MAN1A2: variants seen among roughly 807,000 people sequenced by gnomAD.
MAN1A2 encodes mannosidase alpha class 1A member 2.
In MAN1A2, 26 loss-of-function variants were observed where a neutral mutation model predicts 75.7. That is an observed-to-expected ratio of 0.34 (90% CI 0.25 to 0.48). MAN1A2 has a LOEUF of 0.48. Among genes scored for constraint, MAN1A2 ranks in the 20% least tolerant of loss-of-function variants. The pLI is 0.99. For synonymous variants in MAN1A2, 247 were observed against 264.6 expected (o/e 0.93, Z 0.65); for missense variants, 562 against 775.5 (o/e 0.72, Z 3.27).
At chr1:117,435,784 GC>G (rs1243395720) in intron 5 of MAN1A2, among the ~76,000 whole-genome samples, 3 of 152,104 alleles carry the variant, frequency 2.0e-5, no homozygotes, top group Admixed American at 6.5e-5. Flanking sequence ...TTGGCCTTGC[GC>G]GGTGGCTCAT....
chr1:117,517,426 A>G (rs775119758), intron 12 of MAN1A2, among the ~76,000 whole-genome samples: 1 of 152,190 alleles, frequency 6.6e-6, no homozygotes, highest in African/African-American at 2.4e-5. Flanking sequence ...CTATTCAAAA[A>G]GTTGAGACCT....
intron 1 of MAN1A2, among the ~76,000 whole-genome samples, chr1:117,383,798 G>T (rs1653433199): frequency 6.6e-6 from 1 of 151,824 alleles, no homozygotes; most frequent in African/African-American, 2.4e-5. Flanking sequence ...AGGCTGGAGT[G>T]CAGTGGTTAT....
At chr1:117,419,964 A>T (rs1005614960) in intron 4 of MAN1A2, among the ~76,000 whole-genome samples, 7 of 151,996 alleles carry the variant, frequency 4.6e-5, no homozygotes, top group East Asian at 1.9e-4. Context: ...TACTTTAAAA[A>T]TTTTTTTAAA....
At chr1:117,517,710 G>A (rs2101032289) in intron 12 of MAN1A2, among the ~76,000 whole-genome samples, 1 of 152,032 alleles carries the variant, frequency 6.6e-6, no homozygotes, top group Admixed American at 6.6e-5. Context: ...ACACAAGAAG[G>A]TGGACCCCCA....
At position 117,391,933 on chromosome 1, in the gene MAN1A2, C is replaced by T. The variant is rs528111725; in HGVS notation, c.303-10253C>T. On this transcript the variant is annotated intron_variant, in intron 1 of 12. Coordinates refer to ENST00000356554, the MANE Select transcript of MAN1A2 (RefSeq NM_006699.5). ...CATGTTTAATCACTTGCCTAAATTT[C>T]TAGCTTTCTAAGGTCTCTTATATTG... Among the ~76,000 whole-genome samples, 35 of 152,212 alleles carry T rather than the reference C, an allele frequency of 2.3e-4. No homozygotes were observed. The South Asian group carries it at 6.8e-3, about 30-fold the overall frequency.
Position 117,420,464 on chromosome 1 carries a change from A to G in MAN1A2, c.775-105A>G. On this transcript the variant is annotated intron_variant, in intron 4 of 12. Coordinates refer to ENST00000356554, the MANE Select transcript of MAN1A2 (RefSeq NM_006699.5). Reference sequence around the variant, plus strand: ...AAATGAAGATGCAGAAAGTAGAAAAATATTTTCCACAGGGTGTTTGTGAAA... The same window carrying G: ...AAATGAAGATGCAGAAAGTAGAAAAGTATTTTCCACAGGGTGTTTGTGAAA... 7.7e-6 allele frequency: 6 copies of G among 776,876 alleles called. No individual in the cohort carries two copies. The South Asian group carries it at 1.1e-4, about 14-fold the overall frequency. The allele number at this position is 776,876 out of a possible 1,614,324, so 48.1% of individuals were successfully genotyped here.
intron 8 of MAN1A2, among the ~76,000 whole-genome samples, chr1:117,491,605 T>C (rs1650885083): frequency 6.6e-6 from 1 of 151,908 alleles, no homozygotes; most frequent in South Asian, 2.1e-4. Context: ...GGTCAAAGAG[T>C]GATTCAGACT....
intron 3 of MAN1A2, among the ~76,000 whole-genome samples, chr1:117,406,326 T>G (rs1432146201): frequency 1.3e-5 from 2 of 152,286 alleles, no homozygotes; most frequent in South Asian, 4.1e-4. Flanking sequence ...TTTAAATGCT[T>G]CTTGATGTGA....
chr1:117,435,177 T>C (rs972639053), intron 5 of MAN1A2, among the ~76,000 whole-genome samples: 3 of 152,012 alleles, frequency 2.0e-5, no homozygotes, highest in Non-Finnish European at 4.4e-5. Context: ...ACTGGAGATA[T>C]AAGTTTGGGA....
chr1:117,454,508 A>G (rs890130006), intron 6 of MAN1A2, among the ~76,000 whole-genome samples: 4 of 152,252 alleles, frequency 2.6e-5, no homozygotes, highest in African/African-American at 7.2e-5. Flanking sequence ...CTCAAATTCT[A>G]TAGCCACTGA....
intron 8 of MAN1A2, among the ~76,000 whole-genome samples, chr1:117,485,501 A>G (rs1348943207): frequency 6.6e-6 from 1 of 152,010 alleles, no homozygotes; most frequent in African/African-American, 2.4e-5. Flanking sequence ...TTTGCAGAAC[A>G]TAGAGTGGCT....
intron 4 of MAN1A2, among the ~76,000 whole-genome samples, chr1:117,416,828 A>G (rs1314572220): frequency 1.3e-5 from 2 of 152,170 alleles, no homozygotes; most frequent in Non-Finnish European, 2.9e-5. Flanking sequence ...AGACTGTGTC[A>G]GAGCTGAGAC....
chr1:117,385,127 CA>C (rs1471028488), intron 1 of MAN1A2, among the ~76,000 whole-genome samples: 1 of 152,170 alleles, frequency 6.6e-6, no homozygotes, highest in Non-Finnish European at 1.5e-5. Context: ...GAATAGCCAG[CA>C]GCTCACCTCA....
chr1:117,424,718 A>T (rs998588354), intron 5 of MAN1A2, among the ~76,000 whole-genome samples: 1 of 152,112 alleles, frequency 6.6e-6, no homozygotes, highest in Non-Finnish European at 1.5e-5. Context: ...TCAGCCTTAC[A>T]TACAAACAGT....
At chr1:117,430,226 C>G in intron 5 of MAN1A2, among the ~76,000 whole-genome samples, 1 of 119,050 alleles carries the variant, frequency 8.4e-6, no homozygotes, top group East Asian at 2.4e-4. Context: ...CCCCACCTCC[C>G]TCCCGGACGG....
At chr1:117,518,267 A>T (rs900551700) in intron 12 of MAN1A2, among the ~76,000 whole-genome samples, 2 of 152,070 alleles carry the variant, frequency 1.3e-5, no homozygotes, top group South Asian at 4.1e-4. Context: ...TACTTTGGCA[A>T]TGAATACTGG....
chr1:117,448,948 C>T (rs762798182), intron 6 of MAN1A2, among the ~76,000 whole-genome samples: 7 of 152,012 alleles, frequency 4.6e-5, no homozygotes, highest in South Asian at 2.1e-4. Flanking sequence ...TTTCCAACAG[C>T]ATATATCACA....
intron 5 of MAN1A2, among the ~76,000 whole-genome samples, chr1:117,437,373 G>A (rs1246352441): frequency 6.6e-6 from 1 of 152,142 alleles, no homozygotes; most frequent in African/African-American, 2.4e-5. Context: ...TTTTAGAGTA[G>A]TATCTTTAAA....
At chr1:117,466,527 C>T in intron 8 of MAN1A2, 100 bp downstream of exon 8, 1 of 693,018 alleles carries the variant, frequency 1.4e-6, no homozygotes, top group Non-Finnish European at 2.4e-6. Flanking sequence ...GTTAGAAACC[C>T]TCAGTGTCTA....
Sources: gnomAD v4.1 joint callset for allele counts (sites outside exome capture counted in the v4.1 genomes callset) on GRCh38, gnomAD v4.1.1 for gene constraint, MANE v1.5 for transcripts, NCBI Gene and HGNC (gene_info 2026-07-23, HGNC 2026-07-21) for gene names.